Variants in AGBL1 observed in about 807,000 individuals in gnomAD.
AGBL1 encodes AGBL carboxypeptidase 1.
Under a neutral mutation model 118.9 loss-of-function variants are expected in AGBL1, and 130 were observed. The ratio of observed to expected loss-of-function variants is 1.09; its 90% CI spans 0.95 to 1.26. The LOEUF (loss-of-function observed/expected upper bound fraction) is 1.26. Among genes scored for constraint, AGBL1 ranks in the 50% most tolerant of loss-of-function variants. AGBL1 has a pLI of 0.00. For synonymous variants in AGBL1, 555 were observed against 478.9 expected (o/e 1.16, Z -2.08); for missense variants, 1,584 against 1,298.1 (o/e 1.22, Z -3.38).
chr15:86,998,755 CTGCAAAT>C (rs1262513590), intron 24 of AGBL1, among the ~76,000 whole-genome samples: 1 of 152,134 alleles, frequency 6.6e-6, no homozygotes, highest in Non-Finnish European at 1.5e-5. Flanking sequence ...ATAAGCATGA[CTGCAAAT>C]TGCACAGATG....
chr15:86,556,188 T>C (rs1280181578), intron 21 of AGBL1: 5 of 1,562,750 alleles, frequency 3.2e-6, no homozygotes, highest in South Asian at 1.1e-5. Context: ...AAATGACTCA[T>C]AGGTTCAGGC....
chr15:86,955,003 A>T (rs2080915962), intron 23 of AGBL1, among the ~76,000 whole-genome samples: 1 of 152,140 alleles, frequency 6.6e-6, no homozygotes, highest in South Asian at 2.1e-4. Context: ...GTGGTACTAC[A>T]TAACTTCTCA....
At chr15:86,483,326 C>T (rs558782165) in intron 18 of AGBL1, among the ~76,000 whole-genome samples, 1 of 152,192 alleles carries the variant, frequency 6.6e-6, no homozygotes, top group South Asian at 2.1e-4. Flanking sequence ...TGGGCTGAAA[C>T]TGCAAAAGAG....
chr15:86,258,020 G>T lies in AGBL1; in HGVS notation c.958G>T (p.Gly320Trp). The T allele has an allele frequency of 6.2e-7, 1 of 1,613,650 alleles. No homozygotes were observed. The highest frequency in any genetic ancestry group is 8.5e-7 in the Non-Finnish European group (1 of 1,179,766). The change falls in exon 9 of 23, where the codon GGG becomes TGG. Residue 320 changes from glycine (G) to tryptophan (W), a missense_variant. By Grantham distance (184) the Gly-to-Trp change is radical. Coordinates refer to ENST00000614907, the MANE Select transcript of AGBL1 (RefSeq NM_001386094.1). Reference sequence around the variant, plus strand: ...GGACAAAGACTCTGATACTGAAGATGGGAAAGTGGAAGTAGGTACACCAGC... The same window carrying T: ...GGACAAAGACTCTGATACTGAAGATTGGAAAGTGGAAGTAGGTACACCAGC... ...EVDKDSDTED[G>W]KVEDDDLETD...
chr15:86,279,426 C>T (rs1284083904), intron 15 of AGBL1, among the ~76,000 whole-genome samples: 1 of 152,216 alleles, frequency 6.6e-6, no homozygotes, highest in Non-Finnish European at 1.5e-5. Context: ...ATGGGCCAGG[C>T]TACATGTTGC....
chr15:86,536,095 C>T (rs756750833), intron 19 of AGBL1, among the ~76,000 whole-genome samples: 1 of 152,056 alleles, frequency 6.6e-6, no homozygotes, highest in African/African-American at 2.4e-5. Flanking sequence ...GAATTGTTCC[C>T]ATGCTATCAG....
At chr15:86,628,114 C>G (rs1294316331) in intron 21 of AGBL1, among the ~76,000 whole-genome samples, 1 of 152,146 alleles carries the variant, frequency 6.6e-6, no homozygotes, top group Non-Finnish European at 1.5e-5. Context: ...TGCAGTCCTT[C>G]CAGACCTTGA....
intron 18 of AGBL1, among the ~76,000 whole-genome samples, chr15:86,508,811 G>A (rs1049752775): frequency 7.9e-5 from 12 of 152,088 alleles, no homozygotes; most frequent in East Asian, 1.9e-4. Context: ...GTAGTTAAGC[G>A]AAAATTCAGA....
chr15:86,454,480 A>G (rs2082236294), intron 18 of AGBL1, among the ~76,000 whole-genome samples: 1 of 152,206 alleles, frequency 6.6e-6, no homozygotes, highest in Admixed American at 6.5e-5. Context: ...TAATCACCCC[A>G]AACTGAGAAG....
intron 22 of AGBL1, among the ~76,000 whole-genome samples, chr15:86,700,468 TACACACACACACACACACACACACAC>T (rs67457435): frequency 1.7e-5 from 2 of 114,654 alleles, no homozygotes; most frequent in South Asian, 3.3e-4. Flanking sequence ...AGCAGACTAA[TACACACACACACACACACACACACAC>T]ACACACACAC....
intron 17 of AGBL1, among the ~76,000 whole-genome samples, chr15:86,345,710 T>A (rs946297293): frequency 1.3e-5 from 2 of 152,164 alleles, no homozygotes; most frequent in Non-Finnish European, 2.9e-5. Flanking sequence ...AATTGAGGGC[T>A]TGACAATTGA....
chr15:86,686,476 C>T (rs1274965918), intron 22 of AGBL1, among the ~76,000 whole-genome samples: 1 of 129,128 alleles, frequency 7.7e-6, no homozygotes, highest in African/African-American at 2.9e-5. Flanking sequence ...TGAAGTCTTG[C>T]CCTGTCACTG....
chr15:86,232,845 T>C (rs2078478694), intron 6 of AGBL1, among the ~76,000 whole-genome samples: 1 of 152,136 alleles, frequency 6.6e-6, no homozygotes, highest in Non-Finnish European at 1.5e-5. Flanking sequence ...TGCCGTGTCA[T>C]AGTATATTTT....
rs1279058962 is a variant in AGBL1 at position 86,295,428 on chromosome 15, C to G, written c.2374+20C>G. 6.5e-7 allele frequency: 1 copy of G among 1,535,864 alleles called. No individual in the cohort carries two copies. The highest frequency in any genetic ancestry group is 8.7e-7 in the Non-Finnish European group (1 of 1,144,832). On this transcript the variant is annotated intron_variant, in intron 17 of 22. Coordinates refer to ENST00000614907, the MANE Select transcript of AGBL1 (RefSeq NM_001386094.1). ...AGTTCCGTGAGTAAAATGGGATCCT[C>G]TTCGTAGAAGATTTGACTAAGGGTG...
intron 18 of AGBL1, among the ~76,000 whole-genome samples, chr15:86,489,682 C>A (rs2082755379): frequency 6.6e-6 from 1 of 152,114 alleles, no homozygotes; most frequent in Non-Finnish European, 1.5e-5. Context: ...GCTGCTTTAT[C>A]TTGACAATAG....
intron 18 of AGBL1, among the ~76,000 whole-genome samples, chr15:86,483,527 C>T (rs2082677741): frequency 6.6e-6 from 1 of 152,070 alleles, no homozygotes; most frequent in African/African-American, 2.4e-5. Context: ...TGAGGTTTCT[C>T]TGCAGTTCCT....
intron 16 of AGBL1, among the ~76,000 whole-genome samples, chr15:86,282,089 T>A (rs1379806293): frequency 6.6e-6 from 1 of 152,194 alleles, no homozygotes; most frequent in Non-Finnish European, 1.5e-5. Context: ...TTGTTTACCT[T>A]GTGCCTCTGG....
chr15:86,198,741 A>T (rs1253865124), intron 5 of AGBL1, among the ~76,000 whole-genome samples: 2 of 151,990 alleles, frequency 1.3e-5, no homozygotes, highest in African/African-American at 2.4e-5. Flanking sequence ...TATAGTGAGA[A>T]AGTGCTGTCT....
intron 22 of AGBL1, among the ~76,000 whole-genome samples, chr15:86,877,493 T>C (rs1489316897): frequency 6.6e-6 from 1 of 152,166 alleles, no homozygotes; most frequent in Non-Finnish European, 1.5e-5. Flanking sequence ...GGACAGACTT[T>C]CTTGTCAAAG....
Sources: allele counts gnomAD v4.1 joint callset (sites outside exome capture counted in the v4.1 genomes callset), GRCh38; gene constraint gnomAD v4.1.1; transcripts MANE v1.5; gene names NCBI Gene and HGNC (gene_info 2026-07-23, HGNC 2026-07-21).